Variants in SGCZ observed in about 807,000 individuals in gnomAD.
SGCZ encodes zeta-sarcoglycan.
Under a neutral mutation model 41.3 loss-of-function variants are expected in SGCZ, and 40 were observed. The observed-to-expected ratio is 0.97, with a 90% CI of 0.75 to 1.26. SGCZ has a LOEUF of 1.26. Among genes scored for constraint, SGCZ ranks in the 50% most tolerant of loss-of-function variants. The probability of loss-of-function intolerance (pLI) is 0.00; values close to 1 mark genes in which losing one functional copy is unlikely to be tolerated. For missense variants in SGCZ, 552 were observed against 369.8 expected (o/e 1.49, Z -4.04); for synonymous variants, 206 against 137.5 (o/e 1.50, Z -3.49).
intron 5 of SGCZ, among the ~76,000 whole-genome samples, chr8:14,146,765 T>A (rs369114908): frequency 7.5e-6 from 1 of 132,522 alleles, no homozygotes; most frequent in Non-Finnish European, 1.6e-5. Context: ...CCAGCTGCTC[T>A]GGAGGCTGAG....
chr8:14,511,439 G>T (rs898957204), intron 2 of SGCZ, among the ~76,000 whole-genome samples: 2 of 151,920 alleles, frequency 1.3e-5, no homozygotes, highest in African/African-American at 4.8e-5. Flanking sequence ...GAAAAACTGA[G>T]AGTAATTTTT....
chr8:15,195,594 C>T (rs1332800636), intron 1 of SGCZ, among the ~76,000 whole-genome samples: 3 of 152,082 alleles, frequency 2.0e-5, no homozygotes, highest in Admixed American at 2.0e-4. Context: ...GACAAGAGTC[C>T]GTGCCTGATT....
At chr8:14,365,474 A>T (rs1803667576) in intron 2 of SGCZ, among the ~76,000 whole-genome samples, 1 of 152,074 alleles carries the variant, frequency 6.6e-6, no homozygotes, top group African/African-American at 2.4e-5. Context: ...TATTGTGTAC[A>T]GTTTTGTTCA....
At chr8:14,175,028 C>G (rs1370527046) in intron 4 of SGCZ, among the ~76,000 whole-genome samples, 1 of 152,002 alleles carries the variant, frequency 6.6e-6, no homozygotes, top group Non-Finnish European at 1.5e-5. Context: ...CAAATAAGAA[C>G]CTATACCAAA....
chr8:15,177,031 C>T (rs187710584), intron 1 of SGCZ, among the ~76,000 whole-genome samples: 2 of 152,174 alleles, frequency 1.3e-5, no homozygotes, highest in Non-Finnish European at 2.9e-5. Flanking sequence ...GAAAGAAAGA[C>T]ACTATATGAA....
At chr8:15,036,796 A>C (rs554476096) in intron 1 of SGCZ, among the ~76,000 whole-genome samples, 1 of 152,234 alleles carries the variant, frequency 6.6e-6, no homozygotes, top group East Asian at 1.9e-4. Context: ...CTACAAAAAA[A>C]AATTATGGGC....
At chr8:14,687,335 C>A in intron 1 of SGCZ, among the ~76,000 whole-genome samples, 1 of 91,490 alleles carries the variant, frequency 1.1e-5, no homozygotes, top group South Asian at 3.9e-4. Flanking sequence ...CTAAAGCTAT[C>A]CCTCCCCCCT....
In SGCZ at chr8:14,382,230, G is replaced by T. The variant is rs79872731; in HGVS notation, c.235-58026C>A. 6.8e-3 allele frequency among the ~76,000 whole-genome samples: 1,037 copies of T among 152,226 alleles called. 15 individuals are homozygous for T. Among genetic ancestry groups the T allele is most frequent in the African/African-American group, 0.024 (978 of 41,512 alleles). On this transcript the variant is annotated intron_variant, in intron 2 of 7. Coordinates refer to ENST00000382080, the MANE Select transcript of SGCZ (RefSeq NM_139167.4). The stretch of plus-strand genomic sequence containing the variant: ...TATCATCACCCCCTTGAGCTCTTCT[G>T]TGTAGCTGGAGCAGAAGAGGATTCT...
intron 1 of SGCZ, among the ~76,000 whole-genome samples, chr8:14,855,314 T>G (rs953746030): frequency 6.6e-6 from 1 of 152,170 alleles, no homozygotes; most frequent in Admixed American, 6.5e-5. Flanking sequence ...CCTCACAAAG[T>G]GCTGGGATTT....
chr8:14,607,051 C>T (rs1310521563), intron 1 of SGCZ, among the ~76,000 whole-genome samples: 1 of 152,100 alleles, frequency 6.6e-6, no homozygotes, highest in Non-Finnish European at 1.5e-5. Flanking sequence ...GATCCGACAG[C>T]TCTGGATTTA....
chr8:14,780,756 C>G (rs1389827226), intron 1 of SGCZ, among the ~76,000 whole-genome samples: 1 of 152,048 alleles, frequency 6.6e-6, no homozygotes, highest in South Asian at 2.1e-4. Context: ...AATTTCAATG[C>G]CCTTAATATT....
At chr8:14,628,280 C>T (rs1244497950) in intron 1 of SGCZ, among the ~76,000 whole-genome samples, 1 of 152,032 alleles carries the variant, frequency 6.6e-6, no homozygotes, top group East Asian at 1.9e-4. Flanking sequence ...GTATACATCT[C>T]TTAAAATTTG....
intron 1 of SGCZ, among the ~76,000 whole-genome samples, chr8:15,105,770 C>A (rs1202374632): frequency 6.6e-6 from 1 of 152,164 alleles, no homozygotes; most frequent in South Asian, 2.1e-4. Context: ...GGCATAAGCA[C>A]TCATATATAT....
intron 3 of SGCZ, among the ~76,000 whole-genome samples, chr8:14,280,163 G>A (rs987235549): frequency 1.3e-5 from 2 of 151,818 alleles, no homozygotes; most frequent in East Asian, 1.9e-4. Context: ...TTCCATCACT[G>A]TCAATTATAA....
intron 1 of SGCZ, among the ~76,000 whole-genome samples, chr8:15,054,408 C>G (rs1285359880): frequency 6.6e-6 from 1 of 152,088 alleles, no homozygotes; most frequent in Non-Finnish European, 1.5e-5. Flanking sequence ...CAGTGCAGAT[C>G]CTGGTGTCAC....
At position 14,624,854 on chromosome 8, in the gene SGCZ, A is replaced by C. The variant is rs6985278; in HGVS notation, c.40-69928T>G. 4.2e-3 allele frequency among the ~76,000 whole-genome samples: 645 copies of C among 152,028 alleles called. 5 individuals carry two copies. Among genetic ancestry groups the C allele is most frequent in the African/African-American group, 0.013 (536 of 41,466 alleles). On this transcript the variant is annotated intron_variant, in intron 1 of 7. Transcript: ENST00000382080. ...CCAAAGTGCTGGGATTACAGGCATGAGCCACCACACCGGGCTATCACTCCC... is the reference window on the plus strand; with the variant it reads ...CCAAAGTGCTGGGATTACAGGCATGCGCCACCACACCGGGCTATCACTCCC...
intron 1 of SGCZ, among the ~76,000 whole-genome samples, chr8:14,976,412 C>A (rs570027383): frequency 1.3e-5 from 2 of 152,098 alleles, no homozygotes; most frequent in Non-Finnish European, 2.9e-5. Flanking sequence ...ATCTTATATA[C>A]TAATATTCCC....
At chr8:14,237,509 G>A (rs28676309) in intron 4 of SGCZ, 83 bp downstream of exon 4, 32 of 922,614 alleles carry the variant, frequency 3.5e-5, no homozygotes, top group East Asian at 1.6e-4. Flanking sequence ...CAACAACAAC[G>A]ACAACAACAA....
chr8:14,865,163 A>G (rs1803883488), intron 1 of SGCZ, among the ~76,000 whole-genome samples: 1 of 152,026 alleles, frequency 6.6e-6, no homozygotes, highest in African/African-American at 2.4e-5. Context: ...ATCACATTCA[A>G]GGTCCACCGT....
Sources: allele counts gnomAD v4.1 joint callset (sites outside exome capture counted in the v4.1 genomes callset), GRCh38; gene constraint gnomAD v4.1.1; transcripts MANE v1.5; gene names NCBI Gene and HGNC (gene_info 2026-07-23, HGNC 2026-07-21).